Variants in SH3RF3 observed in about 807,000 individuals in gnomAD.
SH3RF3 encodes E3 ubiquitin-protein ligase SH3RF3.
A neutral mutation model predicts 66.3 loss-of-function variants in SH3RF3; 29 were observed. That is an observed-to-expected ratio of 0.44 (90% CI 0.33 to 0.60). The LOEUF is 0.60. SH3RF3 is among the 20% of genes least tolerant of loss of function. The pLI is 0.04. For synonymous variants in SH3RF3, 583 were observed against 532.0 expected (o/e 1.10, Z -1.32); for missense variants, 1,194 against 1,190.9 (o/e 1.00, Z -0.04).
At chr2:109,326,152 A>G (rs755385582) in intron 1 of SH3RF3, among the ~76,000 whole-genome samples, 2 of 152,180 alleles carry the variant, frequency 1.3e-5, no homozygotes, top group Non-Finnish European at 2.9e-5. Flanking sequence ...GATTTTATCT[A>G]TCTGTTCTTG....
chr2:109,189,387 T>A (rs2105015795), intron 1 of SH3RF3, among the ~76,000 whole-genome samples: 2 of 151,996 alleles, frequency 1.3e-5, no homozygotes, highest in Admixed American at 1.3e-4. Context: ...TTTTTCTTTT[T>A]TTTGAGACGG....
At chr2:109,425,601 G>A (rs1677006089) in intron 5 of SH3RF3, among the ~76,000 whole-genome samples, 1 of 152,146 alleles carries the variant, frequency 6.6e-6, no homozygotes, top group South Asian at 2.1e-4. Context: ...CTCTGCCTGT[G>A]CTGTGTAAAT....
chr2:109,315,135 G>T (rs1053541200), intron 1 of SH3RF3, among the ~76,000 whole-genome samples: 11 of 152,218 alleles, frequency 7.2e-5, no homozygotes, highest in African/African-American at 2.4e-4. Flanking sequence ...AAGGAAACCT[G>T]TTTTACTTTA....
intron 2 of SH3RF3, among the ~76,000 whole-genome samples, chr2:109,354,872 A>G (rs1372856362): frequency 6.6e-6 from 1 of 152,272 alleles, no homozygotes; most frequent in Non-Finnish European, 1.5e-5. Context: ...TGTAGATGGC[A>G]GGTCCTACCA....
chr2:109,217,133 A>G (rs1439205388), intron 1 of SH3RF3, among the ~76,000 whole-genome samples: 1 of 152,220 alleles, frequency 6.6e-6, no homozygotes, highest in Non-Finnish European at 1.5e-5. Flanking sequence ...GCTAAATCCT[A>G]TTCCATCGTA....
chr2:109,394,051 A>G (rs1032470668), intron 3 of SH3RF3, among the ~76,000 whole-genome samples: 1 of 151,962 alleles, frequency 6.6e-6, no homozygotes, highest in Non-Finnish European at 1.5e-5. Context: ...TCTCTATTCA[A>G]CCCAGCCCCA....
intron 4 of SH3RF3, among the ~76,000 whole-genome samples, chr2:109,404,009 C>T (rs991396145): frequency 1.3e-5 from 2 of 152,124 alleles, no homozygotes; most frequent in African/African-American, 4.8e-5. Context: ...AATGAATCAC[C>T]AGTCCAAGAC....
intron 1 of SH3RF3, among the ~76,000 whole-genome samples, chr2:109,317,487 G>A (rs1681915477): frequency 6.6e-6 from 1 of 152,090 alleles, no homozygotes; most frequent in Non-Finnish European, 1.5e-5. Context: ...GGTCTGGGAG[G>A]CATAGCTCTG....
chr2:109,185,909 C>T (rs1378972971), intron 1 of SH3RF3, among the ~76,000 whole-genome samples: 1 of 152,250 alleles, frequency 6.6e-6, no homozygotes, highest in East Asian at 1.9e-4. Flanking sequence ...TGCATCCTCC[C>T]CCAGCTCCTG....
At chr2:109,153,290 C>T (rs1301562032) in intron 1 of SH3RF3, among the ~76,000 whole-genome samples, 2 of 152,188 alleles carry the variant, frequency 1.3e-5, no homozygotes, top group Non-Finnish European at 2.9e-5. Flanking sequence ...TAAGCTGTCA[C>T]TGGAAACCCA....
intron 4 of SH3RF3, among the ~76,000 whole-genome samples, chr2:109,407,658 C>T (rs929505237): frequency 2.6e-5 from 4 of 152,144 alleles, no homozygotes; most frequent in Non-Finnish European, 4.4e-5. Context: ...AGCACCTGGG[C>T]TTATTTTTAG....
At chr2:109,408,219 C>T (rs1449746801) in intron 4 of SH3RF3, among the ~76,000 whole-genome samples, 1 of 152,178 alleles carries the variant, frequency 6.6e-6, no homozygotes, top group Non-Finnish European at 1.5e-5. Flanking sequence ...GACTAGCACA[C>T]AGTCCATGCC....
At chr2:109,272,833 TG>T (rs1680660251) in intron 1 of SH3RF3, among the ~76,000 whole-genome samples, 1 of 152,196 alleles carries the variant, frequency 6.6e-6, no homozygotes. Context: ...GCTTGGTGTG[TG>T]TGGGTTCCCG....
At chr2:109,207,932 C>G (rs566708772) in intron 1 of SH3RF3, among the ~76,000 whole-genome samples, 37 of 152,216 alleles carry the variant, frequency 2.4e-4, no homozygotes, top group Non-Finnish European at 4.4e-4. Flanking sequence ...TAGTTTTGCT[C>G]TAATCTGGAA....
intron 8 of SH3RF3, among the ~76,000 whole-genome samples, chr2:109,464,568 A>G (rs1035616350): frequency 6.6e-6 from 1 of 152,216 alleles, no homozygotes; most frequent in Non-Finnish European, 1.5e-5. Context: ...ACTTCTGCCA[A>G]TTCTGCTCCC....
chr2:109,163,738 T>G (rs1677551053), intron 1 of SH3RF3, among the ~76,000 whole-genome samples: 1 of 152,138 alleles, frequency 6.6e-6, no homozygotes, highest in Non-Finnish European at 1.5e-5. Flanking sequence ...GATTCCACAG[T>G]GAGTAACTGG....
chr2:109,175,166 T>A (rs1209358994), intron 1 of SH3RF3, among the ~76,000 whole-genome samples: 2 of 152,186 alleles, frequency 1.3e-5, no homozygotes, highest in Non-Finnish European at 2.9e-5. Context: ...TGGTCCAGAC[T>A]AGAAATTGGA....
chr2:109,223,790 A>C (rs1679310069), intron 1 of SH3RF3, among the ~76,000 whole-genome samples: 1 of 152,194 alleles, frequency 6.6e-6, no homozygotes. Flanking sequence ...TGCTCCTGGC[A>C]CATGAAAGTG....
intron 1 of SH3RF3, among the ~76,000 whole-genome samples, chr2:109,314,183 G>A (rs960290456): frequency 6.6e-6 from 1 of 152,154 alleles, no homozygotes; most frequent in Admixed American, 6.5e-5. Flanking sequence ...GAGACCAGCG[G>A]GTGGGTGTCC....
Sources: allele counts gnomAD v4.1 joint callset (sites outside exome capture counted in the v4.1 genomes callset), GRCh38; gene constraint gnomAD v4.1.1; transcripts MANE v1.5; gene names NCBI Gene and HGNC (gene_info 2026-07-23, HGNC 2026-07-21).